Variants in SIRPD observed in about 807,000 individuals in gnomAD.
SIRPD encodes the protein signal regulatory protein delta.
In SIRPD, 21 loss-of-function variants were observed where a neutral mutation model predicts 18.0. The observed-to-expected ratio is 1.17, with a 90% CI of 0.83 to 1.68. The LOEUF (loss-of-function observed/expected upper bound fraction) is 1.68, where lower values mean the gene tolerates loss of function less well. Ranked by LOEUF, SIRPD falls within the 40% of genes most tolerant of loss-of-function variation. The pLI is 0.00. For missense variants in SIRPD, 295 were observed against 238.4 expected (o/e 1.24, Z -1.56); for synonymous variants, 106 against 92.9 (o/e 1.14, Z -0.81).
intron 1 of SIRPD, 63 bp from the exon 2 acceptor site, chr20:1,552,101 C>A: frequency 1.5e-6 from 2 of 1,351,990 alleles, no homozygotes; most frequent in South Asian, 1.3e-5. Flanking sequence ...GGGTACGGGT[C>A]ACGGTTGGGC....
Position 1,537,246 on chromosome 20 carries a change from A to G in SIRPD, c.486T>C (p.Asp162=). 1 of 1,614,146 alleles carries G rather than the reference A, an allele frequency of 6.2e-7. No individual in the cohort carries two copies. The highest frequency in any genetic ancestry group is 8.5e-7 in the Non-Finnish European group (1 of 1,180,012). Residue 162 remains aspartate (D), a synonymous_variant, in exon 3 of 4, where the codon GAT becomes GAC. Transcript: ENST00000381623. The part of the protein sequence containing the change: ...AGRAGSRAHH[D]AHTCLSALPE... ...GCAGGGCCGAGAGGCAGGTATGGGC[A>G]TCATGGTGGGCCCTGGAGCCTGCTC...
chr20:1,552,730 T>C (rs2091025067), intron 1 of SIRPD, among the ~76,000 whole-genome samples: 1 of 152,110 alleles, frequency 6.6e-6, no homozygotes, highest in Non-Finnish European at 1.5e-5. Flanking sequence ...GTCCTGGTAA[T>C]AATCTCTCCT....
chr20:1,555,495 A>C (rs969632736), intron 1 of SIRPD, among the ~76,000 whole-genome samples: 2 of 152,220 alleles, frequency 1.3e-5, no homozygotes, highest in African/African-American at 4.8e-5. Flanking sequence ...TGTTCTTACC[A>C]CAAAGAAGTG....
rs2091020066 is a variant in SIRPD, at chr20:1,551,768, T to C, written c.344A>G (p.Tyr115Cys). The change falls in exon 2 of 4, where the codon TAT becomes TGT. Residue 115 changes from tyrosine (Y) to cysteine (C), a missense_variant. Physicochemically the swap from Tyr to Cys is radical, Grantham distance 194. Coordinates refer to ENST00000381623, the MANE Select transcript of SIRPD (RefSeq NM_178460.3). ...TCCTTTTATGAACTTCACGCAGTAA[T>C]AGGTGCCAGCATCAGCAAGAGAGAT... ...REISLADAGT[Y>C]YCVKFIKGRA... 1 of 1,613,976 alleles carries C rather than the reference T, an allele frequency of 6.2e-7. No individual in the cohort carries two copies. The highest frequency in any genetic ancestry group is 8.5e-7 in the Non-Finnish European group (1 of 1,179,978).
At chr20:1,555,158 A>G (rs978334255) in intron 1 of SIRPD, among the ~76,000 whole-genome samples, 2 of 152,238 alleles carry the variant, frequency 1.3e-5, no homozygotes, top group Non-Finnish European at 2.9e-5. Context: ...AGCTTTTGAA[A>G]ATCAGAAAAT....
At chr20:1,557,467 G>T in intron 1 of SIRPD, 114 bp downstream of exon 1, 2 of 916,058 alleles carry the variant, frequency 2.2e-6, no homozygotes, top group Non-Finnish European at 3.1e-6. Flanking sequence ...CCTGTTCTGG[G>T]ATAAGATGGA....
chr20:1,550,240 G>GA (rs2091012942), intron 2 of SIRPD, among the ~76,000 whole-genome samples: 1 of 152,166 alleles, frequency 6.6e-6, no homozygotes, highest in Non-Finnish European at 1.5e-5. Flanking sequence ...CTTAGCATTT[G>GA]TTCCATTGGG....
At chr20:1,539,415 A>G (rs183091186) in intron 2 of SIRPD, among the ~76,000 whole-genome samples, 93 of 152,346 alleles carry the variant, frequency 6.1e-4, no homozygotes, top group Non-Finnish European at 9.7e-4. Context: ...ATTTTAGTTA[A>G]TATCTCACAT....
At chr20:1,545,319 A>G (rs1435552227) in intron 2 of SIRPD, among the ~76,000 whole-genome samples, 1 of 150,228 alleles carries the variant, frequency 6.7e-6, no homozygotes, top group Non-Finnish European at 1.5e-5. Flanking sequence ...ATTCTTTTTC[A>G]CTCTTTTTTC....
chr20:1,556,991 G>A (rs1032581901), intron 1 of SIRPD, among the ~76,000 whole-genome samples: 2 of 152,180 alleles, frequency 1.3e-5, no homozygotes, highest in Admixed American at 6.5e-5. Context: ...GGTGGCTCAC[G>A]CCTATAATGC....
intron 1 of SIRPD, among the ~76,000 whole-genome samples, chr20:1,552,856 T>G (rs1405182062): frequency 6.6e-6 from 1 of 152,154 alleles, no homozygotes; most frequent in African/African-American, 2.4e-5. Context: ...ATTGACATTA[T>G]GTAACTTAAG....
At chr20:1,552,571 T>C (rs941762988) in intron 1 of SIRPD, among the ~76,000 whole-genome samples, 4 of 152,124 alleles carry the variant, frequency 2.6e-5, no homozygotes, top group Admixed American at 6.5e-5. Flanking sequence ...GTTCCACTAC[T>C]TATCTCTTCA....
intron 2 of SIRPD, among the ~76,000 whole-genome samples, chr20:1,537,953 A>G (rs1031811161): frequency 6.6e-6 from 1 of 151,990 alleles, no homozygotes; most frequent in African/African-American, 2.4e-5. Context: ...AGCTGGGAGG[A>G]GGAGGGGTAT....
intron 1 of SIRPD, among the ~76,000 whole-genome samples, chr20:1,555,102 TATACACACAC>T (rs1187884251): frequency 6.6e-6 from 1 of 152,150 alleles, no homozygotes; most frequent in East Asian, 1.9e-4. Flanking sequence ...AAAATGTGAT[TATACACACAC>T]ATACACACAC....
intron 2 of SIRPD, among the ~76,000 whole-genome samples, chr20:1,541,947 G>A (rs1295500044): frequency 2.6e-5 from 4 of 152,164 alleles, no homozygotes; most frequent in Non-Finnish European, 5.9e-5. Flanking sequence ...TCAGATGGTT[G>A]TAGATGTGTG....
At chr20:1,537,037 GA>G (rs1397220800) in intron 3 of SIRPD, 117 bp downstream of exon 3, 2 of 1,224,644 alleles carry the variant, frequency 1.6e-6, no homozygotes, top group Non-Finnish European at 2.3e-6. Flanking sequence ...GGGTGGCAAA[GA>G]AAGAGGCCCT....
In SIRPD at chr20:1,547,411, T is replaced by A. The variant is rs191538037; in HGVS notation, c.421+4280A>T. On this transcript the variant is annotated intron_variant, in intron 2 of 3. Coordinates refer to ENST00000381623, the MANE Select transcript of SIRPD (RefSeq NM_178460.3). ...TGATTGATGTGGACTTGTAGTGAAC[T>A]TTTATTTTTATTTTATTTATTTATT... Among the ~76,000 whole-genome samples, 3 of 152,274 alleles carry A rather than the reference T, an allele frequency of 2.0e-5. No individual in the cohort carries two copies. In the East Asian group the frequency reaches 5.8e-4, roughly 29 times the overall value.
intron 2 of SIRPD, among the ~76,000 whole-genome samples, chr20:1,542,678 G>A (rs894597091): frequency 6.6e-6 from 1 of 152,104 alleles, no homozygotes; most frequent in Non-Finnish European, 1.5e-5. Flanking sequence ...ATACTATGTT[G>A]AATAGAAGTG....
chr20:1,551,481 G>C (rs1260607347), intron 2 of SIRPD, among the ~76,000 whole-genome samples: 1 of 152,144 alleles, frequency 6.6e-6, no homozygotes, highest in Non-Finnish European at 1.5e-5. Context: ...AACCAAAATA[G>C]CTCTTATCAC....
Sources: gnomAD v4.1 joint callset for allele counts (sites outside exome capture counted in the v4.1 genomes callset) on GRCh38, gnomAD v4.1.1 for gene constraint, MANE v1.5 for transcripts, NCBI Gene and HGNC (gene_info 2026-07-23, HGNC 2026-07-21) for gene names.